The following IRAG2 variants were observed in gnomAD, a reference collection of about 807,000 sequenced individuals.
IRAG2 encodes the protein lymphoid restricted membrane protein.
Under a neutral mutation model 69.9 loss-of-function variants are expected in IRAG2, and 45 were observed. The ratio of observed to expected loss-of-function variants is 0.64; its 90% CI spans 0.51 to 0.83. IRAG2 has a LOEUF of 0.83. Among genes scored for constraint, IRAG2 ranks in the 40% least tolerant of loss-of-function variants. The pLI, the probability that IRAG2 is intolerant of heterozygous loss-of-function variation, is 0.00. For missense variants in IRAG2, 520 were observed against 587.0 expected, an observed-to-expected ratio of 0.89 and a Z score of 1.18; for synonymous variants, 193 against 202.4, an observed-to-expected ratio of 0.95 and a Z score of 0.40.
intron 6 of IRAG2, among the ~76,000 whole-genome samples, chr12:25,017,922 A>G (rs572878041): frequency 2.6e-5 from 4 of 152,178 alleles, no homozygotes. Flanking sequence ...TGGGCATTAC[A>G]TATAAATGGA....
At chr12:25,043,717 A>T (rs1417796929) in intron 16 of IRAG2, among the ~76,000 whole-genome samples, 1 of 152,196 alleles carries the variant, frequency 6.6e-6, no homozygotes, top group African/African-American at 2.4e-5. Context: ...TGGCCTCCAG[A>T]ATCTCTTCCT....
At chr12:25,046,961 TATTAGC>T (rs532838556) in intron 16 of IRAG2, among the ~76,000 whole-genome samples, 5 of 152,144 alleles carry the variant, frequency 3.3e-5, no homozygotes, top group Non-Finnish European at 5.9e-5. Context: ...ACCAGTATGG[TATTAGC>T]ATAAAGACAG....
At chr12:25,068,638 G>A (rs113270388) in intron 5 of IRAG2, among the ~76,000 whole-genome samples, 2,002 of 152,062 alleles carry the variant, frequency 0.013, 47 homozygotes, top group African/African-American at 0.045. Flanking sequence ...AAGAGATACC[G>A]CGTTAGAACA....
At chr12:25,028,943 G>A (rs530711989) in intron 9 of IRAG2, among the ~76,000 whole-genome samples, 4 of 152,254 alleles carry the variant, frequency 2.6e-5, no homozygotes, top group South Asian at 2.1e-4. Flanking sequence ...TGTTACCTGC[G>A]CAGTAGTGCA....
chr12:25,021,135 T>C (rs1247389225), intron 7 of IRAG2: 1 of 241,114 alleles, frequency 4.1e-6, no homozygotes, highest in Admixed American at 5.6e-5. Flanking sequence ...GACAGGATCT[T>C]GCTTTGTTGC....
chr12:25,002,794 A>G (rs1019155993), upstream of IRAG2, among the ~76,000 whole-genome samples: 21 of 152,076 alleles, frequency 1.4e-4, no homozygotes, highest in Non-Finnish European at 2.2e-4. Context: ...GTCGCCTGCC[A>G]CCATGCCCAG....
intron 11 of IRAG2, among the ~76,000 whole-genome samples, chr12:25,089,194 T>C (rs1947854502): frequency 1.3e-5 from 2 of 152,224 alleles, no homozygotes; most frequent in Non-Finnish European, 2.9e-5. Flanking sequence ...CTGTTATTGT[T>C]ACCAGTATTA....
At chr12:25,031,095 C>T in intron 10 of IRAG2, 1 of 983,060 alleles carries the variant, frequency 1.0e-6, no homozygotes, top group Middle Eastern at 5.3e-4. Flanking sequence ...CAGTCCAAAA[C>T]AGAGAAGTGA....
At position 25,041,972 on chromosome 12, in the gene IRAG2, T is replaced by C. The variant is rs1944754316; in HGVS notation, c.2144+3835T>C. Reference sequence around the variant, plus strand: ...TGTTTCAGCTGTGTGTGTGTGTGTGTGTGTGTGTGTGTGTGTGTGTATGTG... The same window carrying C: ...TGTTTCAGCTGTGTGTGTGTGTGTGCGTGTGTGTGTGTGTGTGTGTATGTG... On this transcript the variant is annotated intron_variant, in intron 16 of 38. Transcript: ENST00000636465. Among the ~76,000 whole-genome samples the C allele has an allele frequency of 3.5e-5, 3 of 85,388 alleles. No homozygotes were observed. The South Asian group carries it at 1.7e-3, about 48-fold the overall frequency. 56.0% of individuals were successfully genotyped at this position (85,388 alleles called of 152,430 possible). A position where few individuals can be genotyped will look rare whatever the true frequency, so the allele number is the denominator to read the frequency against.
At chr12:25,006,361 C>A (rs995252447) in intron 2 of IRAG2, 1 of 152,230 alleles carries the variant, frequency 6.6e-6, no homozygotes, top group Non-Finnish European at 1.5e-5. Flanking sequence ...AGCCAGCAAT[C>A]TGTCCACTGG....
chr12:25,055,107 A>G (rs540819051), intron 1 of IRAG2, among the ~76,000 whole-genome samples: 89 of 152,328 alleles, frequency 5.8e-4, no homozygotes, highest in African/African-American at 2.0e-3. Flanking sequence ...TGATCCATCT[A>G]AGTTGCATCA....
intron 20 of IRAG2, among the ~76,000 whole-genome samples, chr12:25,106,742 A>AT (rs11397649): frequency 0.63 from 94,883 of 150,450 alleles, 30,368 homozygotes; most frequent in East Asian, 0.89. Flanking sequence ...AGAAGAACTT[A>AT]TTTTTAATTA....
At chr12:25,063,965 T>C in intron 4 of IRAG2, 149 bp downstream of exon 4, 1 of 394,292 alleles carries the variant, frequency 2.5e-6, no homozygotes, top group Non-Finnish European at 4.5e-6. Flanking sequence ...AATATATATT[T>C]GAGTACCTGC....
chr12:25,108,052 C>A lies in IRAG2; in HGVS notation c.1492C>A (p.Pro498Thr), dbSNP rs922180613. Residue 498 changes from proline to threonine, a missense_variant, in exon 22 of 22, where the codon CCA becomes ACA. Coordinates refer to ENST00000556887, the MANE Select transcript of IRAG2 (RefSeq NM_001366544.2). ...FTRLRHNGPP[P>T]V ...CAGACTCCGACACAATGGGCCACCA[C>A]CAGTGTGACAGCAGGACATCCTAAT... 2 of 1,613,480 alleles carry A rather than the reference C, an allele frequency of 1.2e-6. No homozygotes were observed. The highest frequency in any genetic ancestry group is 1.7e-6 in the Non-Finnish European group (2 of 1,179,494).
chr12:25,104,210 T>G, intron 19 of IRAG2, 151 bp from the exon 20 acceptor site: 1 of 851,640 alleles, frequency 1.2e-6, no homozygotes, highest in South Asian at 1.7e-5. Flanking sequence ...AATTATGAAG[T>G]TTTTTATCAT....
At chr12:25,005,275 T>C (rs942248091) in exon 2 of IRAG2, 11 of 1,230,810 alleles carry the variant, frequency 8.9e-6, no homozygotes, top group African/African-American at 1.6e-5. Flanking sequence ...GTAAAGAAGA[T>C]GTAATATACA....
intron 15 of IRAG2, chr12:25,037,894 A>C (rs1471860825): frequency 2.5e-6 from 1 of 397,638 alleles, no homozygotes; most frequent in Non-Finnish European, 4.4e-6. Flanking sequence ...TGGAATGTCC[A>C]CAGCTTTTTA....
intron 16 of IRAG2, among the ~76,000 whole-genome samples, chr12:25,042,969 G>C (rs1182700271): frequency 2.1e-5 from 3 of 145,896 alleles, no homozygotes; most frequent in Non-Finnish European, 1.5e-5. Flanking sequence ...TCCTGTAAGA[G>C]AGAAAAGTAG....
chr12:25,103,837 C>T lies in IRAG2; in HGVS notation c.934C>T (p.Pro312Ser). ...KKRSASLNSK[P>S]SSLRRVTIAS... is the part of the protein sequence containing the mutation. ...ATGTACATTTTCCTCCTTCTGGTAG[C>T]CATCTTCTCTACGAAGAGTGACTAT... Residue 312 changes from proline (P) to serine (S), a missense_variant and splice_region_variant, in exon 18 of 22, where the codon CCA becomes TCA. Coordinates refer to ENST00000556887, the MANE Select transcript of IRAG2 (RefSeq NM_001366544.2). 6.2e-7 allele frequency: 1 copy of T among 1,608,754 alleles called. No homozygotes were observed. The highest frequency in any genetic ancestry group is 1.3e-5 in the African/African-American group (1 of 74,906).
Sources: allele counts gnomAD v4.1 joint callset (sites outside exome capture counted in the v4.1 genomes callset), GRCh38; gene constraint gnomAD v4.1.1; transcripts MANE v1.5; gene names NCBI Gene and HGNC (gene_info 2026-07-23, HGNC 2026-07-21).